CSMD1: variants seen among roughly 807,000 people sequenced by gnomAD.
The protein encoded by CSMD1 is CUB and Sushi multiple domains 1.
A neutral mutation model predicts 417.5 loss-of-function variants in CSMD1; 213 were observed. The ratio of observed to expected loss-of-function variants is 0.51; its 90% CI spans 0.46 to 0.57. CSMD1 has a LOEUF of 0.57. Ranked by LOEUF, CSMD1 falls within the 20% of genes least tolerant of loss-of-function variation. CSMD1 has a pLI of 0.00. For synonymous variants in CSMD1, 2,862 were observed against 1,736.8 expected, an observed-to-expected ratio of 1.65 and a Z score of -16.11; for missense variants, 6,923 against 4,529.7, an observed-to-expected ratio of 1.53 and a Z score of -15.17.
At chr8:4,615,694 ACTGTT>A (rs763524309) in intron 2 of CSMD1, among the ~76,000 whole-genome samples, 6 of 152,150 alleles carry the variant, frequency 3.9e-5, no homozygotes, top group Non-Finnish European at 8.8e-5. Flanking sequence ...GTGCACATAA[ACTGTT>A]CTGTTAATTT....
chr8:3,822,889 C>T (rs4639542), intron 5 of CSMD1, among the ~76,000 whole-genome samples: 119,274 of 152,098 alleles, frequency 0.78, 47,064 homozygotes, highest in African/African-American at 0.87. Flanking sequence ...AAATGAGAAC[C>T]AGAGTAACTC....
At chr8:3,884,486 C>T (rs1263751888) in intron 5 of CSMD1, among the ~76,000 whole-genome samples, 4 of 152,152 alleles carry the variant, frequency 2.6e-5, no homozygotes, top group African/African-American at 7.2e-5. Context: ...CCCGCAGTAG[C>T]ATAACTTCAC....
At chr8:3,638,480 G>A (rs952002447) in intron 7 of CSMD1, among the ~76,000 whole-genome samples, 2 of 152,206 alleles carry the variant, frequency 1.3e-5, no homozygotes, top group East Asian at 1.9e-4. Context: ...CTGAAACCTG[G>A]AGACGTGATG....
At chr8:4,719,378 T>C (rs1388262852) in intron 1 of CSMD1, among the ~76,000 whole-genome samples, 1 of 152,196 alleles carries the variant, frequency 6.6e-6, no homozygotes, top group African/African-American at 2.4e-5. Context: ...TCATTCTCTT[T>C]CTCTCCCTCC....
intron 49 of CSMD1, among the ~76,000 whole-genome samples, chr8:3,078,554 A>G (rs1006437585): frequency 3.3e-5 from 5 of 152,222 alleles, no homozygotes; most frequent in African/African-American, 9.6e-5. Context: ...TTGGCAGACT[A>G]TGGCCTGTGG....
At chr8:4,020,141 G>C (rs925684607) in intron 4 of CSMD1, among the ~76,000 whole-genome samples, 7 of 151,992 alleles carry the variant, frequency 4.6e-5, no homozygotes, top group African/African-American at 1.4e-4. Context: ...CATTTTACCT[G>C]GGTTATGCCA....
intron 1 of CSMD1, among the ~76,000 whole-genome samples, chr8:4,931,896 T>A (rs1160353193): frequency 6.6e-6 from 1 of 152,212 alleles, no homozygotes; most frequent in Non-Finnish European, 1.5e-5. Flanking sequence ...TGGAGATATG[T>A]ACTTTAGAAA....
chr8:3,071,537 T>C (rs945055558), intron 49 of CSMD1, among the ~76,000 whole-genome samples: 1 of 152,168 alleles, frequency 6.6e-6, no homozygotes, highest in Non-Finnish European at 1.5e-5. Context: ...ATAAAATGTA[T>C]GTCTAACATA....
chr8:4,763,028 G>A (rs1387437577), intron 1 of CSMD1, among the ~76,000 whole-genome samples: 2 of 152,092 alleles, frequency 1.3e-5, no homozygotes, highest in Admixed American at 6.6e-5. Context: ...AGTTTACCCT[G>A]CACCCCTAGC....
At chr8:4,111,404 C>G (rs528364595) in intron 3 of CSMD1, among the ~76,000 whole-genome samples, 67 of 152,072 alleles carry the variant, frequency 4.4e-4, no homozygotes, top group Non-Finnish European at 7.8e-4. Context: ...AAGTATGTAT[C>G]TTTATTATAG....
rs772014937 is a variant in CSMD1, at chr8:4,919,906, T to C, written c.85+74426A>G. Among the ~76,000 whole-genome samples, 108 of 152,242 alleles carry C rather than the reference T, an allele frequency of 7.1e-4. 2 individuals carry two copies. Among genetic ancestry groups the C allele is most frequent in the Non-Finnish European group, 1.9e-4 (13 of 68,022 alleles). Reference sequence around the variant, plus strand: ...CAGAGGGTGCAGCAACAAGGTATTCTCTTGGAAGCAGAGAACAGCCCTCAA... The same window carrying C: ...CAGAGGGTGCAGCAACAAGGTATTCCCTTGGAAGCAGAGAACAGCCCTCAA... On this transcript the variant is annotated intron_variant, in intron 1 of 69. Transcript: ENST00000635120.
chr8:3,025,277 G>A lies in CSMD1; in HGVS notation c.7855+4042C>T, dbSNP rs530759084. Reference sequence around the variant, plus strand: ...GTGTTATTCTGAAACTGTGTATTGTGTGGTGTTATTCTGAAACTGTGTATT... The same window carrying A: ...GTGTTATTCTGAAACTGTGTATTGTATGGTGTTATTCTGAAACTGTGTATT... On this transcript the variant is annotated intron_variant, in intron 51 of 69. Coordinates refer to ENST00000635120, the MANE Select transcript of CSMD1 (RefSeq NM_033225.6). 1.3e-4 allele frequency among the ~76,000 whole-genome samples: 19 copies of A among 151,924 alleles called. 1 individual carries two copies. In the East Asian group the frequency reaches 3.7e-3, roughly 29 times the overall value.
intron 2 of CSMD1, among the ~76,000 whole-genome samples, chr8:4,569,623 A>C (rs1304417458): frequency 6.6e-6 from 1 of 152,082 alleles, no homozygotes; most frequent in South Asian, 2.1e-4. Flanking sequence ...TCTTAGCTAT[A>C]CGGGCTCTTT....
intron 3 of CSMD1, among the ~76,000 whole-genome samples, chr8:4,275,239 A>C (rs1796413275): frequency 1.3e-5 from 2 of 152,110 alleles, no homozygotes; most frequent in Non-Finnish European, 2.9e-5. Context: ...TTTTTTTACA[A>C]ATAAATATGG....
At chr8:3,583,204 A>C (rs1459130808) in intron 9 of CSMD1, among the ~76,000 whole-genome samples, 2 of 151,972 alleles carry the variant, frequency 1.3e-5, no homozygotes, top group African/African-American at 4.8e-5. Flanking sequence ...CTAAGCCCAC[A>C]CATTTCTCTC....
chr8:2,987,419 T>C (rs1354441277), intron 54 of CSMD1, among the ~76,000 whole-genome samples: 2 of 148,406 alleles, frequency 1.3e-5, no homozygotes, highest in African/African-American at 4.9e-5. Flanking sequence ...CTATATAATA[T>C]ATACATAAAT....
chr8:4,607,804 T>C (rs1471733743), intron 2 of CSMD1, among the ~76,000 whole-genome samples: 1 of 152,208 alleles, frequency 6.6e-6, no homozygotes, highest in African/African-American at 2.4e-5. Flanking sequence ...CTTGAGTGTG[T>C]ACTTTTCCCT....
intron 3 of CSMD1, among the ~76,000 whole-genome samples, chr8:4,292,577 A>G (rs1797434195): frequency 6.6e-6 from 1 of 152,152 alleles, no homozygotes; most frequent in South Asian, 2.1e-4. Flanking sequence ...ACTGAATGGA[A>G]TTTATAACAA....
At chr8:3,088,908 C>T (rs1183805557) in intron 48 of CSMD1, among the ~76,000 whole-genome samples, 2 of 151,038 alleles carry the variant, frequency 1.3e-5, no homozygotes, top group Non-Finnish European at 3.0e-5. Context: ...GATTCCTCTC[C>T]AAAGTCATAG....
Sources: allele counts gnomAD v4.1 joint callset (sites outside exome capture counted in the v4.1 genomes callset), GRCh38; gene constraint gnomAD v4.1.1; transcripts MANE v1.5; gene names NCBI Gene and HGNC (gene_info 2026-07-23, HGNC 2026-07-21).